Variants in PRLR observed in about 807,000 individuals in gnomAD.
The protein encoded by PRLR is prolactin receptor, also known as hPRL receptor.
PRLR carries 13 observed loss-of-function variants against 40.2 expected under a neutral mutation model. The observed-to-expected ratio is 0.32, with a 90% confidence interval of 0.21 to 0.51. The LOEUF (loss-of-function observed/expected upper bound fraction) is 0.51, where lower values mean the gene tolerates loss of function less well. PRLR is among the 20% of genes least tolerant of loss of function. The probability of loss-of-function intolerance (pLI) is 0.97; values close to 1 mark genes in which losing one functional copy is unlikely to be tolerated. For missense variants in PRLR, 656 were observed against 747.3 expected (o/e 0.88, Z 1.42); for synonymous variants, 269 against 278.7 (o/e 0.97, Z 0.35).
chr5:35,144,433 G>A (rs1386673321), intron 1 of PRLR, among the ~76,000 whole-genome samples: 1 of 151,756 alleles, frequency 6.6e-6, no homozygotes, highest in Admixed American at 6.6e-5. Flanking sequence ...AAATTTTTAA[G>A]TAATTTTTTA....
chr5:35,117,637 C>T (rs756420866), intron 2 of PRLR, among the ~76,000 whole-genome samples: 17 of 152,252 alleles, frequency 1.1e-4, no homozygotes, highest in Non-Finnish European at 1.6e-4. Flanking sequence ...AGTAACATTA[C>T]GGGGCCCAGA....
chr5:35,207,690 T>C (rs2111629338), intron 1 of PRLR, among the ~76,000 whole-genome samples: 1 of 151,968 alleles, frequency 6.6e-6, no homozygotes, highest in East Asian at 1.9e-4. Context: ...GCAACTTGAA[T>C]AAAAACATCT....
rs143188073 is a variant in PRLR, at chr5:35,076,380, G to A, written c.374-3636C>T. ...CTGATAAAGCTGAAAACCATGGCAC[G>A]AGAACTATGTGATGCATGCACAAGC... On this transcript the variant is annotated intron_variant, in intron 5 of 9. Transcript: ENST00000618457. 5.1e-3 allele frequency among the ~76,000 whole-genome samples: 775 copies of A among 152,244 alleles called. 5 individuals carry two copies. The highest frequency in any genetic ancestry group is 0.018 in the African/African-American group (747 of 41,540).
intron 3 of PRLR, among the ~76,000 whole-genome samples, chr5:35,087,687 G>A (rs1469854362): frequency 6.6e-6 from 1 of 152,076 alleles, no homozygotes; most frequent in Non-Finnish European, 1.5e-5. Flanking sequence ...GTGAGGTGGT[G>A]TGAAAATATA....
intron 1 of PRLR, among the ~76,000 whole-genome samples, chr5:35,172,459 T>A (rs1579761877): frequency 6.6e-6 from 1 of 152,138 alleles, no homozygotes; most frequent in South Asian, 2.1e-4. Flanking sequence ...GGTCACTGCT[T>A]CCCTCCAGAT....
intron 1 of PRLR, among the ~76,000 whole-genome samples, chr5:35,160,704 C>T (rs1484502555): frequency 6.6e-5 from 10 of 152,202 alleles, no homozygotes; most frequent in Non-Finnish European, 1.5e-4. Flanking sequence ...ACATGGTTGG[C>T]TCCACTTGTA....
intron 1 of PRLR, among the ~76,000 whole-genome samples, chr5:35,120,164 C>T (rs1773238334): frequency 6.6e-6 from 1 of 152,098 alleles, no homozygotes; most frequent in Non-Finnish European, 1.5e-5. Flanking sequence ...ATCGATTTCC[C>T]TCCCTCCCTG....
chr5:35,120,471 A>G (rs1012145183), intron 1 of PRLR, among the ~76,000 whole-genome samples: 1 of 152,212 alleles, frequency 6.6e-6, no homozygotes, highest in Non-Finnish European at 1.5e-5. Flanking sequence ...ACAAGCAAGA[A>G]AGGTGTAAAA....
chr5:35,175,379 C>T (rs1263168102), intron 1 of PRLR, among the ~76,000 whole-genome samples: 1 of 152,184 alleles, frequency 6.6e-6, no homozygotes, highest in Admixed American at 6.5e-5. Context: ...TGAGGCTTCC[C>T]CAGCCATATG....
At position 35,065,491 on chromosome 5, in the gene PRLR, A is replaced by G. The variant is rs768866856; in HGVS notation, c.1467T>C (p.Asp489=). 6.2e-7 allele frequency: 1 copy of G among 1,614,156 alleles called. No homozygotes were observed. The highest frequency in any genetic ancestry group is 1.1e-5 in the South Asian group (1 of 91,082). The part of the protein sequence containing the change: ...VESFHSETDQ[D]TPWLLPQEKT... ...TCTCCTGGGGCAGCAGCCAGGGCGT[A>G]TCCTGGTCAGTCTCAGAATGGAAGC... The change falls in exon 10 of 10, where the codon GAT becomes GAC. Residue 489 remains aspartate (D), a synonymous_variant. Coordinates refer to ENST00000618457, the MANE Select transcript of PRLR (RefSeq NM_000949.7).
intron 1 of PRLR, among the ~76,000 whole-genome samples, chr5:35,189,206 C>T (rs1030917298): frequency 1.3e-5 from 2 of 152,270 alleles, no homozygotes; most frequent in African/African-American, 4.8e-5. Context: ...AGCCATGGCA[C>T]AGATTCTTCC....
intron 1 of PRLR, among the ~76,000 whole-genome samples, chr5:35,176,776 ACCTGACCGTCCCCCAGCCC>A (rs1775160029): frequency 6.6e-6 from 1 of 152,156 alleles, no homozygotes; most frequent in African/African-American, 2.4e-5. Context: ...GAAGGGAAAG[ACCTGACCGTCCCCCAGCCC>A]GACACCCGTA....
At chr5:35,176,991 C>A (rs1242600082) in intron 1 of PRLR, among the ~76,000 whole-genome samples, 2 of 152,102 alleles carry the variant, frequency 1.3e-5, no homozygotes, top group Non-Finnish European at 2.9e-5. Context: ...GACCTGCGGG[C>A]AGCAATACTG....
chr5:35,100,749 G>C (rs905118790), intron 2 of PRLR, among the ~76,000 whole-genome samples: 1 of 152,102 alleles, frequency 6.6e-6, no homozygotes, highest in Non-Finnish European at 1.5e-5. Context: ...CCTAGTCCTG[G>C]TCTTTAAAGC....
intron 2 of PRLR, among the ~76,000 whole-genome samples, chr5:35,108,665 G>A (rs1344657349): frequency 1.3e-5 from 2 of 152,160 alleles, no homozygotes; most frequent in African/African-American, 4.8e-5. Context: ...CAAGGGATGT[G>A]AAGGACATCT....
chr5:35,092,976 AC>A (rs1771307654), intron 2 of PRLR, among the ~76,000 whole-genome samples: 1 of 151,970 alleles, frequency 6.6e-6, no homozygotes, highest in Non-Finnish European at 1.5e-5. Context: ...ACTGTGGCCC[AC>A]CGTGGTATGA....
chr5:35,171,046 C>T (rs1056748195), intron 1 of PRLR, among the ~76,000 whole-genome samples: 14 of 144,216 alleles, frequency 9.7e-5, no homozygotes, highest in African/African-American at 3.3e-4. Context: ...GCTGTTTTTC[C>T]CTGTTTTTTT....
intron 1 of PRLR, among the ~76,000 whole-genome samples, chr5:35,209,634 A>G (rs1406171084): frequency 1.3e-5 from 2 of 152,216 alleles, no homozygotes; most frequent in African/African-American, 4.8e-5. Context: ...CTCCTTTCTC[A>G]TCTTCTGAAG....
chr5:35,195,291 C>G (rs978248338), intron 1 of PRLR: 1 of 152,356 alleles, frequency 6.6e-6, no homozygotes, highest in African/African-American at 2.4e-5. Context: ...CCCTCCTGAT[C>G]TTCGATCCCA....
Sources: allele counts gnomAD v4.1 joint callset (sites outside exome capture counted in the v4.1 genomes callset), GRCh38; gene constraint gnomAD v4.1.1; transcripts MANE v1.5; gene names NCBI Gene and HGNC (gene_info 2026-07-23, HGNC 2026-07-21).